Variants in ARAP1 observed in about 807,000 individuals in gnomAD.
ARAP1 encodes ArfGAP with RhoGAP domain, ankyrin repeat and PH domain 1, also known as arf-GAP with Rho-GAP domain, ANK repeat and PH domain-containing protein 1.
ARAP1 carries 76 observed loss-of-function variants against 172.2 expected under a neutral mutation model. That is an observed-to-expected ratio of 0.44 (90% CI 0.37 to 0.53). The LOEUF is 0.53. Ranked by LOEUF, ARAP1 falls within the 20% of genes least tolerant of loss-of-function variation. The probability of loss-of-function intolerance (pLI) is 0.00; values close to 1 mark genes in which losing one functional copy is unlikely to be tolerated. For synonymous variants in ARAP1, 804 were observed against 803.3 expected (o/e 1.00, Z -0.01); for missense variants, 1,686 against 1,977.5 (o/e 0.85, Z 2.80).
chr11:72,741,802 C>T lies in ARAP1; in HGVS notation c.-127-9205G>A, dbSNP rs1858208529. On this transcript the variant is annotated intron_variant, in intron 1 of 34. Coordinates refer to ENST00000393609, the MANE Select transcript of ARAP1 (RefSeq NM_001040118.3). This position sits in a 1 kb window ranked among gnomAD's most constrained non-coding sequence, Gnocchi z 4.5. Reference sequence around the variant, plus strand: ...GCCCTGGGGGCCGAGGGCCAGCACCCACCCTGCCCCAAGAGGGAAGGGGAG... The same window carrying T: ...GCCCTGGGGGCCGAGGGCCAGCACCTACCCTGCCCCAAGAGGGAAGGGGAG... Among the ~76,000 whole-genome samples the T allele has an allele frequency of 6.6e-6, 1 of 152,144 alleles. No homozygotes were observed. The highest frequency in any genetic ancestry group is 6.5e-5 in the Admixed American group (1 of 15,272).
Position 72,712,443 on chromosome 11 carries a change from G to A in ARAP1, c.873C>T (p.Val291=), listed in dbSNP as rs978425183. 3 of 1,578,212 alleles carry A rather than the reference G, an allele frequency of 1.9e-6. No individual in the cohort carries two copies. The highest frequency in any genetic ancestry group is 4.5e-5 in the East Asian group (2 of 44,312). ...GAGGGTGGCCGGACACTCACTTGGG[G>A]ACGCCCTCATAGGCGTGGTCATCCT... ...EEEDDHAYEG[V]PNGGWHTSSL... The change falls in exon 6 of 35, where the codon GTC becomes GTT. Residue 291 remains valine (V), a synonymous_variant. Coordinates refer to ENST00000393609, the MANE Select transcript of ARAP1 (RefSeq NM_001040118.3).
intron 1 of ARAP1, among the ~76,000 whole-genome samples, chr11:72,746,682 C>G (rs1397420017): frequency 2.0e-5 from 3 of 152,192 alleles, no homozygotes; most frequent in East Asian, 1.9e-4. Flanking sequence ...CCCCCTCCCC[C>G]TCTCACCTGC....
At chr11:72,696,808 G>A (rs1856215947) in intron 22 of ARAP1, 154 bp from the exon 23 acceptor site, 7 of 931,170 alleles carry the variant, frequency 7.5e-6, no homozygotes, top group East Asian at 2.7e-5. Flanking sequence ...AGGAACTCTC[G>A]GTCTTCCAGG....
chr11:72,738,904 C>T (rs1296967021), intron 1 of ARAP1, among the ~76,000 whole-genome samples: 2 of 152,204 alleles, frequency 1.3e-5, no homozygotes, highest in Non-Finnish European at 2.9e-5. Flanking sequence ...ACCCCACAGC[C>T]CAATACCCCA....
intron 1 of ARAP1, among the ~76,000 whole-genome samples, chr11:72,742,456 G>C (rs1312153301): frequency 1.3e-5 from 2 of 152,156 alleles, no homozygotes; most frequent in African/African-American, 2.4e-5. Context: ...AGTCACTCAG[G>C]AGCCAGAATC....
Position 72,693,096 on chromosome 11 carries a change from G to A in ARAP1, c.3954+229C>T. The A allele has an allele frequency of 1.5e-6, 1 of 665,664 alleles. No individual in the cohort carries two copies. The highest frequency in any genetic ancestry group is 2.5e-6 in the Non-Finnish European group (1 of 394,230). The allele number at this position is 665,664 out of a possible 1,614,324, so 41.2% of individuals were successfully genotyped here. A position where few individuals can be genotyped will look rare whatever the true frequency, so the allele number is the denominator to read the frequency against. On this transcript the variant is annotated intron_variant, in intron 29 of 34. Transcript: ENST00000393609. This position sits in a 1 kb window ranked among gnomAD's most constrained non-coding sequence, Gnocchi z 4.6. ...TGAGACAGAGCATGGGCATGGAGTG[G>A]TGTGATGGCATCCGGGTGCCAGGGC...
At chr11:72,735,457 A>T (rs1200141914) in intron 1 of ARAP1, among the ~76,000 whole-genome samples, 1 of 152,036 alleles carries the variant, frequency 6.6e-6, no homozygotes, top group Admixed American at 6.5e-5. Flanking sequence ...TTAGCTGGGC[A>T]TGGTGGTGGG....
Position 72,736,360 on chromosome 11 carries a change from C to T in ARAP1, c.-127-3763G>A, listed in dbSNP as rs145090727. Among the ~76,000 whole-genome samples the T allele has an allele frequency of 5.1e-3, 768 of 151,688 alleles. 5 individuals carry two copies. Among genetic ancestry groups the T allele is most frequent in the African/African-American group, 0.018 (729 of 41,348 alleles). On this transcript the variant is annotated intron_variant, in intron 1 of 34. Coordinates refer to ENST00000393609, the MANE Select transcript of ARAP1 (RefSeq NM_001040118.3). ...TGGGCTCAAGTGATCCTCCCACCTC[C>T]CCCTCCCCAGTAGCGGGGACCACAG...
chr11:72,727,672 G>A (rs545085813), intron 2 of ARAP1, among the ~76,000 whole-genome samples: 31 of 152,330 alleles, frequency 2.0e-4, no homozygotes, highest in African/African-American at 7.0e-4. Flanking sequence ...TCTGGGAGCC[G>A]AGACTAGCCT....
intron 8 of ARAP1, 137 bp from the exon 9 acceptor site, chr11:72,711,278 C>T: frequency 4.1e-6 from 6 of 1,480,568 alleles, no homozygotes; most frequent in Non-Finnish European, 5.5e-6. Context: ...GACTGCAGCC[C>T]TCAGCAGGCA....
chr11:72,745,575 C>A (rs1858340137), intron 1 of ARAP1, among the ~76,000 whole-genome samples: 1 of 151,794 alleles, frequency 6.6e-6, no homozygotes, highest in South Asian at 2.1e-4. Flanking sequence ...AGAACTGGGC[C>A]CCTCCTACCC....
chr11:72,707,395 A>C, intron 11 of ARAP1, 21 bp from the exon 12 acceptor site: 2 of 1,597,070 alleles, frequency 1.3e-6, no homozygotes, highest in Non-Finnish European at 1.7e-6. Context: ...AGGGGTGGGG[A>C]GATTAGTGGG....
intron 30 of ARAP1, among the ~76,000 whole-genome samples, chr11:72,690,279 T>C (rs1427569481): frequency 6.6e-6 from 1 of 152,068 alleles, no homozygotes; most frequent in Non-Finnish European, 1.5e-5. Context: ...GCTCCAAGAA[T>C]GAAAACACAA....
intron 3 of ARAP1, among the ~76,000 whole-genome samples, chr11:72,717,663 C>T (rs1857339908): frequency 6.6e-6 from 1 of 152,218 alleles, no homozygotes; most frequent in Admixed American, 6.5e-5. Context: ...TTACAAACAC[C>T]TGGATTCATT....
rs867823597 is a variant in ARAP1, at chr11:72,687,831, G to C, written c.4071-93C>G. On this transcript the variant is annotated intron_variant, in intron 31 of 34. Transcript: ENST00000393609. Reference sequence around the variant, plus strand: ...GGACAGAGCCCAGAAGCCACAGCCAGAGCCAGAGCCAGAGTTCAGAGCCTT... The same window carrying C: ...GGACAGAGCCCAGAAGCCACAGCCACAGCCAGAGCCAGAGTTCAGAGCCTT... The C allele has an allele frequency of 3.0e-5, 42 of 1,404,998 alleles. 2 individuals carry two copies. In the Middle Eastern group the frequency reaches 7.0e-4, roughly 24 times the overall value. The allele number at this position is 1,404,998 out of a possible 1,614,324, so 87.0% of individuals were successfully genotyped here.
Position 72,695,384 on chromosome 11 carries a change from T to C in ARAP1, c.3576+3A>G, listed in dbSNP as rs751306828. 7 of 1,614,070 alleles carry C rather than the reference T, an allele frequency of 4.3e-6. No individual in the cohort carries two copies. The highest frequency in any genetic ancestry group is 5.9e-6 in the Non-Finnish European group (7 of 1,180,048). The stretch of plus-strand genomic sequence containing the variant: ...CCCTTGGCTTCTAGGTCCCAGCACC[T>C]ACCTTGATATGCTGCTCAGTCTCTG... On this transcript the variant is annotated splice_donor_region_variant and intron_variant, in intron 26 of 34. Transcript: ENST00000393609. The surrounding 1 kb of genome is among the most constrained non-coding windows in gnomAD (Gnocchi z 4.4).
chr11:72,701,040 G>C (rs1254553257), intron 16 of ARAP1, among the ~76,000 whole-genome samples: 4 of 152,304 alleles, frequency 2.6e-5, no homozygotes. Flanking sequence ...TTTTGCATAA[G>C]GTAGTCAGAG....
chr11:72,699,683 C>T lies in ARAP1; in HGVS notation c.2303-131G>A, dbSNP rs1856386285. On this transcript the variant is annotated intron_variant, in intron 16 of 34. Transcript: ENST00000393609. This position sits in a 1 kb window ranked among gnomAD's most constrained non-coding sequence, Gnocchi z 4.2. The stretch of plus-strand genomic sequence containing the variant: ...CATTCTCTCAAGTTTTCCCTAAATC[C>T]ATCCACCTCTCTGCATCCCCACCAC... 1 of 1,274,480 alleles carries T rather than the reference C, an allele frequency of 7.8e-7. No individual in the cohort carries two copies. Among genetic ancestry groups the T allele is most frequent in the South Asian group, 1.5e-5 (1 of 68,062 alleles). 78.9% of individuals were successfully genotyped at this position (1,274,480 alleles called of 1,614,324 possible).
rs536517039 is a variant in ARAP1 at position 72,722,454 on chromosome 11, T to C, written c.509+4166A>G. 6 of 728,778 alleles carry C rather than the reference T, an allele frequency of 8.2e-6. No homozygotes were observed. The African/African-American group carries it at 1.2e-4, about 14-fold the overall frequency. The allele number at this position is 728,778 out of a possible 1,614,324, so 45.1% of individuals were successfully genotyped here. On this transcript the variant is annotated intron_variant, in intron 3 of 34. Transcript: ENST00000393609. The stretch of plus-strand genomic sequence containing the variant: ...GACAACCAACAGTGTCCACTGATCT[T>C]GCAGGCCCTCACAGGGTGGATGCCC...
Sources: gnomAD v4.1 joint callset for allele counts (sites outside exome capture counted in the v4.1 genomes callset) on GRCh38, gnomAD v4.1.1 for gene constraint, Gnocchi (gnomAD v3.1) non-coding constraint, MANE v1.5 for transcripts, NCBI Gene and HGNC (gene_info 2026-07-23, HGNC 2026-07-21) for gene names.